Variants in VGLL4 observed in about 807,000 individuals in gnomAD.
VGLL4 encodes the protein vestigial like family member 4.
In VGLL4, 7 loss-of-function variants were observed where a neutral mutation model predicts 21.0. The ratio of observed to expected loss-of-function variants is 0.33; its 90% confidence interval spans 0.19 to 0.63. The LOEUF (loss-of-function observed/expected upper bound fraction) is 0.63. Among genes scored for constraint, VGLL4 ranks in the 20% least tolerant of loss-of-function variants. The probability of loss-of-function intolerance (pLI) is 0.78; values close to 1 mark genes in which losing one functional copy is unlikely to be tolerated. For synonymous variants in VGLL4, 222 were observed against 173.2 expected (o/e 1.28, Z -2.21); for missense variants, 394 against 425.7 (o/e 0.93, Z 0.66).
intron 2 of VGLL4, among the ~76,000 whole-genome samples, chr3:11,670,050 T>A (rs575106824): frequency 2.0e-5 from 3 of 151,894 alleles, no homozygotes; most frequent in African/African-American, 7.2e-5. Context: ...GTTAAGACAA[T>A]CATTCATGTT....
chr3:11,682,482 A>C (rs1249094343), intron 2 of VGLL4, among the ~76,000 whole-genome samples: 1 of 151,226 alleles, frequency 6.6e-6, no homozygotes, highest in Non-Finnish European at 1.5e-5. Flanking sequence ...GGAGGCTGTG[A>C]CACAAGAATC....
chr3:11,702,852 C>T, intron 2 of VGLL4: 2 of 916,798 alleles, frequency 2.2e-6, no homozygotes, highest in Admixed American at 3.7e-5. Flanking sequence ...AGGAAAACCA[C>T]CAAAATTAAC....
chr3:11,557,208 T>A lies in VGLL4; in HGVS notation c.*1348A>T, dbSNP rs2072517459. ...CTGTGTCTGTCATGCTTGCTTCATC[T>A]AATTTCTAGTTAGTAGCTATTAATA... On this transcript the variant is annotated 3_prime_UTR_variant, in exon 5 of 5. Coordinates refer to ENST00000430365, the MANE Select transcript of VGLL4 (RefSeq NM_001128219.3). The A allele has an allele frequency of 6.5e-6, 1 of 152,812 alleles. No homozygotes were observed. Among genetic ancestry groups the A allele is most frequent in the Non-Finnish European group, 1.5e-5 (1 of 68,044 alleles). The allele number at this position is 152,812 out of a possible 1,614,324, so 9.5% of individuals were successfully genotyped here.
intron 2 of VGLL4, among the ~76,000 whole-genome samples, chr3:11,586,208 T>G (rs757773029): frequency 6.6e-6 from 1 of 152,182 alleles, no homozygotes; most frequent in Non-Finnish European, 1.5e-5. Context: ...TGCACACATA[T>G]GAAAGAAAGA....
chr3:11,696,954 G>A (rs9809579), intron 2 of VGLL4, among the ~76,000 whole-genome samples: 66,796 of 151,870 alleles, frequency 0.44, 15,641 homozygotes, highest in Non-Finnish European at 0.54. Flanking sequence ...TGTTGCCTAC[G>A]CTGGTCTCAA....
chr3:11,629,078 A>G (rs1459003054), intron 1 of VGLL4, among the ~76,000 whole-genome samples: 1 of 152,256 alleles, frequency 6.6e-6, no homozygotes, highest in African/African-American at 2.4e-5. Flanking sequence ...GATTTTTTGT[A>G]GAATTTCAAA....
intron 2 of VGLL4, among the ~76,000 whole-genome samples, chr3:11,586,227 A>C (rs1235458612): frequency 6.6e-6 from 1 of 152,260 alleles, no homozygotes; most frequent in African/African-American, 2.4e-5. Flanking sequence ...GATAAAGCAA[A>C]TACGGGCAAA....
intron 2 of VGLL4, among the ~76,000 whole-genome samples, chr3:11,592,058 C>A (rs1421950363): frequency 6.6e-6 from 1 of 152,234 alleles, no homozygotes; most frequent in African/African-American, 2.4e-5. Context: ...AATTTCAGCA[C>A]TGACCCTACC....
In VGLL4 at chr3:11,586,903, C is replaced by T. The variant is rs531834856; in HGVS notation, c.272+14930G>A. ...CCACTGGCAACAAATATGTTAGTTT[C>T]AAATATTAGCCTCAAAATGAAAGTC... is the stretch of plus-strand genomic sequence containing the variant. On this transcript the variant is annotated intron_variant, in intron 2 of 4. Coordinates refer to ENST00000430365, the MANE Select transcript of VGLL4 (RefSeq NM_001128219.3). Among the ~76,000 whole-genome samples, 237 of 152,300 alleles carry T rather than the reference C, an allele frequency of 1.6e-3. 2 individuals are homozygous for T. The highest frequency in any genetic ancestry group is 5.4e-3 in the African/African-American group (225 of 41,570).
At chr3:11,584,106 A>T (rs774256151) in intron 2 of VGLL4, among the ~76,000 whole-genome samples, 4 of 152,278 alleles carry the variant, frequency 2.6e-5, no homozygotes, top group Non-Finnish European at 5.9e-5. Context: ...TTAAAAATCT[A>T]TATTTCAAAA....
At chr3:11,599,118 G>A (rs981364285) in intron 2 of VGLL4, among the ~76,000 whole-genome samples, 1 of 152,126 alleles carries the variant, frequency 6.6e-6, no homozygotes, top group Non-Finnish European at 1.5e-5. Context: ...CAATCTGCCT[G>A]TGAAATCTGT....
chr3:11,650,418 C>T (rs538272118), intron 2 of VGLL4, among the ~76,000 whole-genome samples: 1 of 152,272 alleles, frequency 6.6e-6, no homozygotes, highest in African/African-American at 2.4e-5. Flanking sequence ...AAGCCAAATA[C>T]TCTTCTATTT....
Position 11,589,549 on chromosome 3 carries a change from G to A in VGLL4, c.272+12284C>T, listed in dbSNP as rs962854598. Among the ~76,000 whole-genome samples the A allele has an allele frequency of 4.6e-5, 7 of 152,242 alleles. No homozygotes were observed. In the East Asian group the frequency reaches 5.8e-4, roughly 13 times the overall value. On this transcript the variant is annotated intron_variant, in intron 2 of 4. Coordinates refer to ENST00000430365, the MANE Select transcript of VGLL4 (RefSeq NM_001128219.3). ...CTCCTTTTGTTAGGCAATATTTATG[G>A]GGCAAGTATGCTCCAAGGAATATTA... is the stretch of plus-strand genomic sequence containing the variant.
chr3:11,601,368 C>T (rs7622164), intron 2 of VGLL4, among the ~76,000 whole-genome samples: 15,128 of 152,204 alleles, frequency 0.099, 975 homozygotes, highest in East Asian at 0.25. Context: ...ATGAACACTT[C>T]TTCGTGTGTA....
chr3:11,670,205 A>T (rs2076185565), intron 2 of VGLL4, among the ~76,000 whole-genome samples: 1 of 152,080 alleles, frequency 6.6e-6, no homozygotes, highest in Non-Finnish European at 1.5e-5. Flanking sequence ...CCCCTCCCAC[A>T]ACTTGGCACT....
chr3:11,645,656 A>G (rs1455302838), upstream of VGLL4, among the ~76,000 whole-genome samples: 1 of 149,300 alleles, frequency 6.7e-6, no homozygotes, highest in Non-Finnish European at 1.5e-5. Flanking sequence ...AGGCACACTC[A>G]TGGCAAGGTG....
chr3:11,568,726 G>T lies in VGLL4; in HGVS notation c.273-3707C>A. 1 of 1,542,270 alleles carries T rather than the reference G, an allele frequency of 6.5e-7. No individual in the cohort carries two copies. Among genetic ancestry groups the T allele is most frequent in the Non-Finnish European group, 8.7e-7 (1 of 1,142,980 alleles). Reference sequence around the variant, plus strand: ...CCAGGCGTCATGTGCTCCCGGGGACGGCAGAAAACCGCACGCATCCTGCCC... The same window carrying T: ...CCAGGCGTCATGTGCTCCCGGGGACTGCAGAAAACCGCACGCATCCTGCCC... On this transcript the variant is annotated intron_variant, in intron 2 of 4. Transcript: ENST00000430365. The surrounding 1 kb of genome is among the most constrained non-coding windows in gnomAD (Gnocchi z 5.9).
At chr3:11,567,371 G>A (rs577519345) in intron 2 of VGLL4, among the ~76,000 whole-genome samples, 4 of 152,178 alleles carry the variant, frequency 2.6e-5, no homozygotes, top group Admixed American at 1.3e-4. Flanking sequence ...CCCAGTATTC[G>A]TTTATGGGGT....
intron 2 of VGLL4, among the ~76,000 whole-genome samples, chr3:11,657,416 CA>C (rs943025381): frequency 6.6e-6 from 1 of 151,590 alleles, no homozygotes; most frequent in East Asian, 1.9e-4. Flanking sequence ...CCTCCCAAGA[CA>C]AAAAAATAAA....
Sources: gnomAD v4.1 joint callset for allele counts (sites outside exome capture counted in the v4.1 genomes callset) on GRCh38, gnomAD v4.1.1 for gene constraint, Gnocchi (gnomAD v3.1) non-coding constraint, MANE v1.5 for transcripts, NCBI Gene and HGNC (gene_info 2026-07-23, HGNC 2026-07-21) for gene names.